The following SETBP1 variants were observed in gnomAD, a reference collection of about 807,000 sequenced individuals.
SETBP1 encodes the protein SET binding protein 1.
Under a neutral mutation model 101.0 loss-of-function variants are expected in SETBP1, and 9 were observed. The ratio of observed to expected loss-of-function variants is 0.09; its 90% CI spans 0.05 to 0.16. SETBP1 has a LOEUF of 0.16. Ranked by LOEUF, SETBP1 falls within the 10% of genes least tolerant of loss-of-function variation. SETBP1 has a pLI of 1.00. For synonymous variants in SETBP1, 818 were observed against 788.5 expected (o/e 1.04, Z -0.63); for missense variants, 1,858 against 2,033.8 (o/e 0.91, Z 1.66).
At chr18:44,778,989 G>A (rs1314432191) in intron 2 of SETBP1, among the ~76,000 whole-genome samples, 2 of 152,266 alleles carry the variant, frequency 1.3e-5, no homozygotes, top group Non-Finnish European at 2.9e-5. Flanking sequence ...TAAACCCTGA[G>A]GTGTTGGGTG....
chr18:44,891,663 C>A, intron 3 of SETBP1, among the ~76,000 whole-genome samples: 1 of 152,020 alleles, frequency 6.6e-6, no homozygotes, highest in Non-Finnish European at 1.5e-5. Context: ...GTATTTGAGG[C>A]CTGCATGATC....
chr18:45,001,144 T>C (rs1479958215), intron 4 of SETBP1, among the ~76,000 whole-genome samples: 2 of 152,152 alleles, frequency 1.3e-5, no homozygotes, highest in Non-Finnish European at 1.5e-5. Flanking sequence ...GACAGCAGTG[T>C]AGTCTGGAAT....
chr18:45,020,497 G>A (rs2073038154), intron 4 of SETBP1, among the ~76,000 whole-genome samples: 1 of 152,048 alleles, frequency 6.6e-6, no homozygotes, highest in Admixed American at 6.6e-5. Context: ...CTAAAAAATA[G>A]GAATGTTTCC....
chr18:44,830,170 T>C (rs955886615), intron 2 of SETBP1, among the ~76,000 whole-genome samples: 9 of 152,178 alleles, frequency 5.9e-5, no homozygotes, highest in Admixed American at 5.2e-4. Flanking sequence ...CTAATCTTCA[T>C]TGAGAATCCA....
At chr18:44,711,935 C>T (rs1295213411) in intron 2 of SETBP1, among the ~76,000 whole-genome samples, 1 of 152,162 alleles carries the variant, frequency 6.6e-6, no homozygotes, top group Non-Finnish European at 1.5e-5. Context: ...GTCTGCATTT[C>T]TCTCTGAATT....
rs1407269198 is a variant in SETBP1, at chr18:44,835,300, TATC to T, written c.487-33925_487-33923del. On this transcript the variant is annotated intron_variant, in intron 2 of 5. Transcript: ENST00000649279. ...CCTTGGGTGCGGTGCATTTTATCAA[TATC>T]ATCAAACTAAGCCAGCCTTCAAAGG... Among the ~76,000 whole-genome samples, 5 of 152,114 alleles carry T rather than the reference TATC, an allele frequency of 3.3e-5. No homozygotes were observed. In the East Asian group the frequency reaches 9.7e-4, roughly 30 times the overall value.
intron 2 of SETBP1, among the ~76,000 whole-genome samples, chr18:44,832,985 C>A (rs2072408659): frequency 6.6e-6 from 1 of 152,218 alleles, no homozygotes; most frequent in Admixed American, 6.5e-5. Context: ...CCTCTGGGTC[C>A]AAGGCCAGCC....
At chr18:44,727,219 T>TGTGTGTGTGTGTGTGTG (rs1555673193) in intron 2 of SETBP1, among the ~76,000 whole-genome samples, 2 of 151,304 alleles carry the variant, frequency 1.3e-5, no homozygotes, top group African/African-American at 2.4e-5. Context: ...TGTGTGTGTG[T>TGTGTGTGTGTGTGTGTG]TGATACCCAA....
intron 2 of SETBP1, among the ~76,000 whole-genome samples, chr18:44,746,855 T>C (rs1010164486): frequency 2.0e-5 from 3 of 152,184 alleles, no homozygotes; most frequent in Non-Finnish European, 4.4e-5. Context: ...TACGTGCACA[T>C]GTGATTGGAG....
chr18:44,742,014 A>G (rs1281853494), intron 2 of SETBP1, among the ~76,000 whole-genome samples: 1 of 151,778 alleles, frequency 6.6e-6, no homozygotes, highest in African/African-American at 2.4e-5. Context: ...GTGTCTGTAG[A>G]CTCCCCTGTC....
chr18:44,696,137 C>T (rs1440327669), intron 1 of SETBP1, among the ~76,000 whole-genome samples: 3 of 152,136 alleles, frequency 2.0e-5, no homozygotes, highest in Non-Finnish European at 2.9e-5. Flanking sequence ...ATTCAGCCAT[C>T]CAGCATTTCT....
chr18:44,726,784 A>G (rs1400844610), intron 2 of SETBP1, among the ~76,000 whole-genome samples: 9 of 152,198 alleles, frequency 5.9e-5, no homozygotes, highest in African/African-American at 2.2e-4. Context: ...GTGCTTCGTT[A>G]CATAATTTGT....
intron 2 of SETBP1, among the ~76,000 whole-genome samples, chr18:44,793,775 A>C (rs890799295): frequency 6.6e-6 from 1 of 152,214 alleles, no homozygotes; most frequent in African/African-American, 2.4e-5. Flanking sequence ...TTGAACTGCT[A>C]TCCAGAACTC....
In SETBP1 at chr18:44,869,268, A is replaced by G; in HGVS notation, c.525A>G (p.Lys175=). Residue 175 remains lysine, a synonymous_variant, in exon 3 of 6, where the codon AAA becomes AAG. Transcript: ENST00000649279. ...TASDLAASDL[K]GFQPQAYERP... ...GTGACCTTGCAGCCAGTGACCTCAAAGGATTTCAGCCACAGGTAAGTTCCA... is the reference window on the plus strand; with the variant it reads ...GTGACCTTGCAGCCAGTGACCTCAAGGGATTTCAGCCACAGGTAAGTTCCA... 1 of 1,614,082 alleles carries G rather than the reference A, an allele frequency of 6.2e-7. No homozygotes were observed. Among genetic ancestry groups the G allele is most frequent in the African/African-American group, 1.3e-5 (1 of 75,048 alleles).
At chr18:44,718,374 C>A (rs2069511432) in intron 2 of SETBP1, among the ~76,000 whole-genome samples, 1 of 152,056 alleles carries the variant, frequency 6.6e-6, no homozygotes. Context: ...AGCTGCAGAT[C>A]CCAGAGCTGT....
intron 2 of SETBP1, among the ~76,000 whole-genome samples, chr18:44,809,257 A>C (rs1055421677): frequency 4.6e-5 from 7 of 152,236 alleles, no homozygotes; most frequent in African/African-American, 1.4e-4. Context: ...GTTTAAAAAA[A>C]TTAATTACAT....
intron 3 of SETBP1, among the ~76,000 whole-genome samples, chr18:44,875,195 G>A (rs2069368963): frequency 6.6e-6 from 1 of 152,112 alleles, no homozygotes; most frequent in Non-Finnish European, 1.5e-5. Flanking sequence ...ATGGACATCA[G>A]CTGTCTACAA....
intron 2 of SETBP1, among the ~76,000 whole-genome samples, chr18:44,779,947 C>T (rs1322159476): frequency 6.6e-6 from 1 of 151,880 alleles, no homozygotes; most frequent in African/African-American, 2.4e-5. Context: ...CACACACACG[C>T]ACGCACACAC....
intron 2 of SETBP1, among the ~76,000 whole-genome samples, chr18:44,818,221 G>A (rs562764427): frequency 1.7e-4 from 26 of 152,208 alleles, no homozygotes; most frequent in Non-Finnish European, 2.2e-4. Flanking sequence ...TTTTTAATTG[G>A]AGAGATGTTT....
Sources: allele counts gnomAD v4.1 joint callset (sites outside exome capture counted in the v4.1 genomes callset), GRCh38; gene constraint gnomAD v4.1.1; transcripts MANE v1.5; gene names NCBI Gene and HGNC (gene_info 2026-07-23, HGNC 2026-07-21).